The following DGKZ variants were observed in gnomAD, a reference collection of about 807,000 sequenced individuals.
The protein encoded by DGKZ is diacylglycerol kinase zeta.
A neutral mutation model predicts 142.5 loss-of-function variants in DGKZ; 45 were observed. That is an observed-to-expected ratio of 0.32 (90% CI 0.25 to 0.40). DGKZ has a LOEUF of 0.40. Ranked by LOEUF, DGKZ falls within the 10% of genes least tolerant of loss-of-function variation. The probability of loss-of-function intolerance (pLI) is 1.00; values close to 1 mark genes in which losing one functional copy is unlikely to be tolerated. For synonymous variants in DGKZ, 442 were observed against 527.0 expected (o/e 0.84, Z 2.21); for missense variants, 755 against 1,306.5 (o/e 0.58, Z 6.51).
chr11:46,378,558 G>A (rs540304111), intron 27 of DGKZ, 58 bp downstream of exon 27: 122 of 1,610,644 alleles, frequency 7.6e-5, no homozygotes, highest in Non-Finnish European at 6.8e-5. Context: ...CCTGGGGAGC[G>A]AGGCCTCTGG....
At position 46,379,069 on chromosome 11, in the gene DGKZ, A is replaced by G. The variant is rs766200910; in HGVS notation, c.2497A>G (p.Ser833Gly). 108 of 1,601,476 alleles carry G rather than the reference A, an allele frequency of 6.7e-5. No individual in the cohort carries two copies. Among genetic ancestry groups the G allele is most frequent in the Non-Finnish European group, 5.9e-5 (70 of 1,178,778 alleles). Residue 833 changes from serine to glycine, a missense_variant, in exon 28 of 31, where the codon AGC becomes GGC. Physicochemically the swap from Ser to Gly is moderately conservative, Grantham distance 56 (BLOSUM62 0). This residue lies in a region of DGKZ where 87 missense variants were observed against 112.2 expected (regional missense o/e 0.78). Coordinates refer to ENST00000527911, the Ensembl canonical transcript of DGKZ. ...TCGCACGCTCCTGCACCACGCAGTC[A>G]GCACTGGCAGCAAGGATGTGGTCCG...
intron 1 of DGKZ, among the ~76,000 whole-genome samples, chr11:46,357,958 A>G (rs1409799104): frequency 2.0e-5 from 3 of 152,232 alleles, no homozygotes; most frequent in East Asian, 3.8e-4. Context: ...TTCGTGTCAC[A>G]GTACAGGAGG....
At chr11:46,355,218 C>T (rs892120214) in intron 1 of DGKZ, among the ~76,000 whole-genome samples, 6 of 152,160 alleles carry the variant, frequency 3.9e-5, no homozygotes, top group Admixed American at 3.9e-4. Context: ...AGGCCATTCT[C>T]CTGCCTCAGC....
At chr11:46,375,668 G>A (rs1162344783) in intron 20 of DGKZ, 37 bp downstream of exon 20, 1 of 1,530,074 alleles carries the variant, frequency 6.5e-7, no homozygotes, top group Admixed American at 2.0e-5. Context: ...GGGTGCCAAG[G>A]CCAGACCCTG....
chr11:46,342,186 T>C (rs929999372), intron 1 of DGKZ, among the ~76,000 whole-genome samples: 2 of 152,176 alleles, frequency 1.3e-5, no homozygotes, highest in Non-Finnish European at 2.9e-5. Context: ...GTCCCCAGCT[T>C]CCCAGGGCTG....
Position 46,376,160 on chromosome 11 carries a change from C to G in DGKZ, c.2091+15C>G. The G allele has an allele frequency of 6.2e-7, 1 of 1,606,956 alleles. No homozygotes were observed. Among genetic ancestry groups the G allele is most frequent in the South Asian group, 1.1e-5 (1 of 90,728 alleles). ...GACTCCAGCAGGTAAGGGGTGGGGG[C>G]TTCCCCAGGTGCCCACCGAGAGGGT... On this transcript the variant is annotated intron_variant, in intron 22 of 30. Transcript: ENST00000527911.
chr11:46,369,573 G>A (rs374240578), intron 5 of DGKZ, 23 bp downstream of exon 5: 12 of 1,611,842 alleles, frequency 7.4e-6, no homozygotes, highest in African/African-American at 6.7e-5. Flanking sequence ...GGTGGTCAGG[G>A]ATGGGGCCAC....
intron 4 of DGKZ, chr11:46,368,979 G>A (rs1009884198): frequency 1.7e-4 from 31 of 180,760 alleles, no homozygotes; most frequent in Admixed American, 8.0e-4. Flanking sequence ...GCCGAGGTAG[G>A]TGGATCACCC....
upstream of DGKZ, chr11:46,345,302 C>T: frequency 5.1e-6 from 7 of 1,374,990 alleles, no homozygotes; most frequent in Non-Finnish European, 6.5e-6. This position sits in a 1 kb window ranked among gnomAD's most constrained non-coding sequence, Gnocchi z 4.1. Context: ...CCTATGAGCC[C>T]TGAGCCTGTG....
chr11:46,375,313 CCAGGGGT>C, intron 19 of DGKZ, 112 bp from the exon 20 acceptor site: 2 of 1,213,492 alleles, frequency 1.6e-6, no homozygotes, highest in South Asian at 3.0e-5. Context: ...TGCCCTCTGG[CCAGGGGT>C]CACTCTCACC....
At chr11:46,336,156 G>T (rs1481108569) in intron 1 of DGKZ, among the ~76,000 whole-genome samples, 2 of 152,216 alleles carry the variant, frequency 1.3e-5, no homozygotes, top group African/African-American at 4.8e-5. Flanking sequence ...AAGTGAGGAC[G>T]GGGGCTTTGG....
At chr11:46,365,179 C>T in intron 1 of DGKZ, 2 of 985,408 alleles carry the variant, frequency 2.0e-6, no homozygotes, top group African/African-American at 1.7e-5. Flanking sequence ...TAGGATGATG[C>T]CCACAGCTCC....
chr11:46,373,507 T>TG (rs1944219920), intron 14 of DGKZ, among the ~76,000 whole-genome samples: 1 of 150,738 alleles, frequency 6.6e-6, no homozygotes, highest in Non-Finnish European at 1.5e-5. Flanking sequence ...TGTTTTTGTT[T>TG]TTTGTTTTTT....
At chr11:46,361,253 A>G (rs1942612294) in intron 1 of DGKZ, among the ~76,000 whole-genome samples, 1 of 152,222 alleles carries the variant, frequency 6.6e-6, no homozygotes, top group Non-Finnish European at 1.5e-5. Context: ...AATAGGGGGC[A>G]TTAGTGGGGG....
intron 1 of DGKZ, chr11:46,366,441 G>T: frequency 6.4e-7 from 1 of 1,550,466 alleles, no homozygotes. Flanking sequence ...TGCCTCCTGA[G>T]TTGCGGGGTG....
chr11:46,371,772 T>C (rs1590595406), exon 9 of DGKZ: 1 of 1,613,112 alleles, frequency 6.2e-7, no homozygotes. Context: ...AGAAAGGGCC[T>C]GAGGTCAGCC....
At chr11:46,369,330 A>T in intron 4 of DGKZ, 164 bp from the exon 5 acceptor site, 1 of 747,748 alleles carries the variant, frequency 1.3e-6, no homozygotes, top group Non-Finnish European at 2.3e-6. Context: ...GAGAGGCAGG[A>T]GGGCTTCTCA....
chr11:46,374,652 C>A, exon 17 of DGKZ: 2 of 1,588,278 alleles, frequency 1.3e-6, no homozygotes, highest in Non-Finnish European at 1.7e-6. Context: ...CCTGGCCAAG[C>A]ACATCCGAGT....
rs369120951 is a variant in DGKZ, at chr11:46,355,351, G to A, written c.161+7531G>A. 1.1e-4 allele frequency among the ~76,000 whole-genome samples: 17 copies of A among 151,800 alleles called. No individual in the cohort carries two copies. The South Asian group carries it at 2.9e-3, about 26-fold the overall frequency. On this transcript the variant is annotated intron_variant, in intron 1 of 30. Transcript: ENST00000527911. ...TCTCGATCTCCCGACCTCGTGATCC[G>A]CCCGCCTCAGCCTCCCAAAGTGCTG...
Sources: allele counts gnomAD v4.1 joint callset (sites outside exome capture counted in the v4.1 genomes callset), GRCh38; gene constraint gnomAD v4.1.1; regional missense constraint gnomAD v4.1.1; non-coding constraint Gnocchi (gnomAD v3.1); transcripts MANE v1.5; gene names NCBI Gene and HGNC (gene_info 2026-07-23, HGNC 2026-07-21).